SYT10: variants seen among roughly 807,000 people sequenced by gnomAD.
SYT10 encodes the protein synaptotagmin 10, also known as synaptotagmin-10.
In SYT10, 31 loss-of-function variants were observed where a neutral mutation model predicts 51.1. The ratio of observed to expected loss-of-function variants is 0.61; its 90% CI spans 0.46 to 0.82. SYT10 has a LOEUF of 0.82. Among genes scored for constraint, SYT10 ranks in the 40% least tolerant of loss-of-function variants. The probability of loss-of-function intolerance (pLI) is 0.00; values close to 1 mark genes in which losing one functional copy is unlikely to be tolerated. For missense variants in SYT10, 603 were observed against 634.0 expected, an observed-to-expected ratio of 0.95 and a Z score of 0.53; for synonymous variants, 233 against 225.9, an observed-to-expected ratio of 1.03 and a Z score of -0.28.
chr12:33,422,945 T>C lies in SYT10; in HGVS notation c.509+3193A>G, dbSNP rs193259011. Among the ~76,000 whole-genome samples, 376 of 152,302 alleles carry C rather than the reference T, an allele frequency of 2.5e-3. 1 individual carries two copies. The highest frequency in any genetic ancestry group is 8.3e-3 in the African/African-American group (344 of 41,572). On this transcript the variant is annotated intron_variant, in intron 2 of 6. Transcript: ENST00000228567. ...GAAAGAGTGAAAGATACGTTGACTA[T>C]ACCCAGGATTAAATATATGTTGAAT...
At chr12:33,435,247 T>C (rs1592000256) in intron 1 of SYT10, among the ~76,000 whole-genome samples, 1 of 152,216 alleles carries the variant, frequency 6.6e-6, no homozygotes, top group South Asian at 2.1e-4. Context: ...AATACAGCTT[T>C]TAATTTGTCA....
chr12:33,390,553 C>G (rs1452131661), intron 3 of SYT10, among the ~76,000 whole-genome samples: 3 of 137,266 alleles, frequency 2.2e-5, no homozygotes, highest in Non-Finnish European at 3.1e-5. Context: ...TCCCACAACC[C>G]AAAAACTCCA....
At chr12:33,435,260 A>G (rs1170859351) in intron 1 of SYT10, among the ~76,000 whole-genome samples, 1 of 152,222 alleles carries the variant, frequency 6.6e-6, no homozygotes, top group Non-Finnish European at 1.5e-5. Context: ...ATTTGTCACA[A>G]AGGAAAAAGA....
intron 3 of SYT10, among the ~76,000 whole-genome samples, chr12:33,402,358 T>C (rs763636247): frequency 2.6e-5 from 4 of 152,230 alleles, no homozygotes; most frequent in Non-Finnish European, 5.9e-5. Flanking sequence ...ATGCTGTTTT[T>C]TTCTTCAAGA....
In SYT10 at chr12:33,382,353, C is replaced by G. The variant is rs376456407; in HGVS notation, c.1366G>C (p.Asp456His). 2.5e-6 allele frequency: 4 copies of G among 1,598,096 alleles called. No individual in the cohort carries two copies. Among genetic ancestry groups the G allele is most frequent in the Non-Finnish European group, 3.4e-6 (4 of 1,172,830 alleles). Residue 456 changes from aspartate (D) to histidine (H), a missense_variant, in exon 5 of 7, where the codon GAT (aspartate) becomes CAT (histidine). By Grantham distance (81) the Asp-to-His change is moderately conservative. Transcript: ENST00000228567. Reference protein sequence around the residue: ...VSLSIAVMDYDRVGHNEVIGV... With the variant: ...VSLSIAVMDYHRVGHNEVIGV... ...TGAGAAGAGAGATACACATACCTAT[C>G]GTAATCCATGACCGCAATGGAGAGG...
At chr12:33,403,755 AAG>A (rs1268254045) in intron 3 of SYT10, among the ~76,000 whole-genome samples, 1 of 152,140 alleles carries the variant, frequency 6.6e-6, no homozygotes, top group Non-Finnish European at 1.5e-5. Context: ...TGAATAGAAA[AAG>A]AAAGTTTCTT....
chr12:33,424,509 G>A (rs1257368660), intron 2 of SYT10, among the ~76,000 whole-genome samples: 1 of 152,008 alleles, frequency 6.6e-6, no homozygotes. Flanking sequence ...AGTGTCTTAA[G>A]TCTTCGTGGC....
intron 3 of SYT10, among the ~76,000 whole-genome samples, chr12:33,386,725 C>T (rs753155607): frequency 2.0e-5 from 3 of 152,108 alleles, no homozygotes; most frequent in Non-Finnish European, 4.4e-5. Flanking sequence ...GTTTCCCTGA[C>T]TCCCAGATAT....
At chr12:33,397,477 G>C (rs1158773699) in intron 3 of SYT10, among the ~76,000 whole-genome samples, 1 of 152,154 alleles carries the variant, frequency 6.6e-6, no homozygotes, top group Non-Finnish European at 1.5e-5. Context: ...TGCAGGGGAA[G>C]AGAGCAATGG....
intron 2 of SYT10, among the ~76,000 whole-genome samples, chr12:33,422,132 G>A (rs1441105642): frequency 2.0e-5 from 3 of 151,770 alleles, no homozygotes; most frequent in South Asian, 2.1e-4. Context: ...AAGTGAATAC[G>A]GCTGATTTTC....
At chr12:33,380,151 A>G (rs548732597) in intron 5 of SYT10, among the ~76,000 whole-genome samples, 190 bp from the exon 6 acceptor site, 1 of 152,336 alleles carries the variant, frequency 6.6e-6, no homozygotes, top group South Asian at 2.1e-4. Flanking sequence ...ACATTCAAAA[A>G]ATGAATGTGT....
At chr12:33,435,296 T>C (rs1027770658) in intron 1 of SYT10, among the ~76,000 whole-genome samples, 2 of 152,238 alleles carry the variant, frequency 1.3e-5, no homozygotes, top group African/African-American at 4.8e-5. Flanking sequence ...AAGAAATTCC[T>C]GCCAATACTG....
rs1866668746 is a variant in SYT10 at position 33,439,658 on chromosome 12, C to T, written c.-136G>A. Reference sequence around the variant, plus strand: ...TGGCTGGAGATTGCGCCGCTGAGAGCCGGCAACTCTTAGGAGCCCCACGTT... The same window carrying T: ...TGGCTGGAGATTGCGCCGCTGAGAGTCGGCAACTCTTAGGAGCCCCACGTT... On this transcript the variant is annotated 5_prime_UTR_variant, in exon 1 of 7. Transcript: ENST00000228567. The T allele has an allele frequency of 2.7e-6, 3 of 1,106,382 alleles. No homozygotes were observed. The Admixed American group carries it at 7.6e-5, about 28-fold the overall frequency. 68.5% of individuals were successfully genotyped at this position (1,106,382 alleles called of 1,614,324 possible). A position where few individuals can be genotyped will look rare whatever the true frequency, so the allele number is the denominator to read the frequency against.
intron 1 of SYT10, chr12:33,432,569 T>C (rs1866605993): frequency 6.6e-6 from 1 of 152,072 alleles, no homozygotes; most frequent in Non-Finnish European, 1.5e-5. Flanking sequence ...ACAGCTTATA[T>C]TGTAAAATAT....
At chr12:33,379,739 A>G in intron 6 of SYT10, 93 bp downstream of exon 6, 1 of 1,481,812 alleles carries the variant, frequency 6.7e-7, no homozygotes, top group South Asian at 1.3e-5. Context: ...ACAAGGGTGA[A>G]TACATAAAAT....
intron 3 of SYT10, among the ~76,000 whole-genome samples, chr12:33,385,814 C>T (rs969620028): frequency 1.3e-5 from 2 of 152,192 alleles, no homozygotes; most frequent in Non-Finnish European, 2.9e-5. Context: ...AAACAAAATT[C>T]TCATTCCAGA....
chr12:33,429,388 T>C (rs1319381732), intron 1 of SYT10, among the ~76,000 whole-genome samples: 1 of 152,144 alleles, frequency 6.6e-6, no homozygotes. Flanking sequence ...TGAGAAAAGT[T>C]TGAAATAAGA....
At chr12:33,399,488 T>C (rs1866284321) in intron 3 of SYT10, among the ~76,000 whole-genome samples, 1 of 152,226 alleles carries the variant, frequency 6.6e-6, no homozygotes, top group African/African-American at 2.4e-5. Context: ...TTATAGCCGC[T>C]TACCTACAAT....
chr12:33,439,330 C>G (rs1592001610), intron 1 of SYT10, 42 bp downstream of exon 1: 4 of 1,587,842 alleles, frequency 2.5e-6, no homozygotes, highest in Non-Finnish European at 2.6e-6. Flanking sequence ...CGCGCGGGGT[C>G]CCAGCGGAGC....
Sources: gnomAD v4.1 joint callset for allele counts (sites outside exome capture counted in the v4.1 genomes callset) on GRCh38, gnomAD v4.1.1 for gene constraint, MANE v1.5 for transcripts, NCBI Gene and HGNC (gene_info 2026-07-23, HGNC 2026-07-21) for gene names.